SDK1: variants seen among roughly 807,000 people sequenced by gnomAD.
The protein encoded by SDK1 is protein sidekick-1.
SDK1 carries 157 observed loss-of-function variants against 245.5 expected under a neutral mutation model. That is an observed-to-expected ratio of 0.64 (90% CI 0.56 to 0.73). The LOEUF (loss-of-function observed/expected upper bound fraction) is 0.73. Among genes scored for constraint, SDK1 ranks in the 30% least tolerant of loss-of-function variants. The pLI, the probability that SDK1 is intolerant of heterozygous loss-of-function variation, is 0.00. For missense variants in SDK1, 3,583 were observed against 3,002.3 expected (o/e 1.19, Z -4.52); for synonymous variants, 1,647 against 1,278.5 (o/e 1.29, Z -6.15).
At chr7:4,119,078 A>G (rs1012061697) in intron 25 of SDK1, among the ~76,000 whole-genome samples, 2 of 148,532 alleles carry the variant, frequency 1.3e-5, no homozygotes, top group Non-Finnish European at 3.0e-5. Flanking sequence ...TGTATGATAT[A>G]TTAATAATCT....
At chr7:3,901,830 A>G (rs1781800721) in intron 5 of SDK1, among the ~76,000 whole-genome samples, 1 of 152,014 alleles carries the variant, frequency 6.6e-6, no homozygotes, top group African/African-American at 2.4e-5. Context: ...TCACATTTCC[A>G]TTCCTTTTTT....
chr7:4,228,156 G>C (rs1457641078), intron 40 of SDK1, among the ~76,000 whole-genome samples: 1 of 152,220 alleles, frequency 6.6e-6, no homozygotes, highest in Non-Finnish European at 1.5e-5. Flanking sequence ...AGGTGGACAG[G>C]ATTGGAGGTT....
intron 25 of SDK1, among the ~76,000 whole-genome samples, chr7:4,127,132 CT>C (rs1275558727): frequency 1.3e-5 from 2 of 152,106 alleles, no homozygotes; most frequent in African/African-American, 2.4e-5. Flanking sequence ...GACCAAGCAT[CT>C]TTTTTTTCTT....
chr7:3,524,234 A>G (rs542031075), intron 1 of SDK1, among the ~76,000 whole-genome samples: 2 of 152,310 alleles, frequency 1.3e-5, no homozygotes, highest in South Asian at 4.1e-4. Context: ...AGGGCTTTCT[A>G]AAACATTATT....
chr7:3,514,146 G>A (rs982774473), intron 1 of SDK1, among the ~76,000 whole-genome samples: 2 of 152,102 alleles, frequency 1.3e-5, no homozygotes, highest in African/African-American at 2.4e-5. Context: ...GTGTTTCAGA[G>A]CAAATGTCTT....
At chr7:3,522,844 C>T (rs527679638) in intron 1 of SDK1, among the ~76,000 whole-genome samples, 1 of 152,094 alleles carries the variant, frequency 6.6e-6, no homozygotes, top group Non-Finnish European at 1.5e-5. Context: ...GTGAGGTTCG[C>T]TATTCACATC....
chr7:3,872,153 G>A (rs6966997), intron 5 of SDK1, among the ~76,000 whole-genome samples: 40,685 of 151,836 alleles, frequency 0.27, 6,741 homozygotes, highest in African/African-American at 0.47. Context: ...GTAATAATAT[G>A]TTATTCTTTC....
intron 1 of SDK1, among the ~76,000 whole-genome samples, chr7:3,401,062 G>T (rs1037784061): frequency 2.6e-5 from 4 of 152,138 alleles, no homozygotes; most frequent in African/African-American, 9.7e-5. Flanking sequence ...GCCATCCGCA[G>T]CCTCATAGCC....
chr7:3,324,471 G>A (rs1312910401), intron 1 of SDK1, among the ~76,000 whole-genome samples: 5 of 152,096 alleles, frequency 3.3e-5, no homozygotes, highest in African/African-American at 1.2e-4. Flanking sequence ...AAGCCGATGT[G>A]TAAAATGTTT....
intron 14 of SDK1, among the ~76,000 whole-genome samples, chr7:4,009,907 C>T (rs1438411038): frequency 3.3e-5 from 5 of 152,176 alleles, no homozygotes; most frequent in Non-Finnish European, 7.3e-5. Flanking sequence ...TACGAATCCC[C>T]GCGGTTGGGG....
At chr7:4,008,486 C>T (rs922608467) in intron 14 of SDK1, among the ~76,000 whole-genome samples, 1 of 152,258 alleles carries the variant, frequency 6.6e-6, no homozygotes, top group Non-Finnish European at 1.5e-5. Flanking sequence ...GTACCCTTTC[C>T]CCATTGGCCG....
At chr7:3,757,468 C>G (rs1227813535) in intron 4 of SDK1, among the ~76,000 whole-genome samples, 1 of 152,100 alleles carries the variant, frequency 6.6e-6, no homozygotes, top group Non-Finnish European at 1.5e-5. Flanking sequence ...AACTCCTGGC[C>G]TCAAGCAGTC....
intron 4 of SDK1, among the ~76,000 whole-genome samples, chr7:3,733,558 C>T (rs1358005939): frequency 1.3e-5 from 2 of 152,126 alleles, no homozygotes; most frequent in Non-Finnish European, 2.9e-5. Flanking sequence ...GGCATTCCTC[C>T]CTCCTTGAAT....
At chr7:3,950,833 CG>C in intron 5 of SDK1, 89 bp from the exon 6 acceptor site, 2 of 930,378 alleles carry the variant, frequency 2.1e-6, no homozygotes, top group Non-Finnish European at 1.7e-6. Flanking sequence ...TAGGTATCCC[CG>C]GGGGTCTTGG....
intron 2 of SDK1, among the ~76,000 whole-genome samples, chr7:3,626,520 C>T (rs1047164888): frequency 6.6e-6 from 1 of 152,220 alleles, no homozygotes; most frequent in South Asian, 2.1e-4. Flanking sequence ...GTCGAATTTG[C>T]TTGGTGCTGG....
chr7:4,065,434 G>C (rs181070682), intron 19 of SDK1, among the ~76,000 whole-genome samples: 1 of 147,028 alleles, frequency 6.8e-6, no homozygotes, highest in Non-Finnish European at 1.5e-5. Context: ...AGCATCTTTG[G>C]GCAGGAATCC....
chr7:3,434,735 CAT>C (rs1340837170), intron 1 of SDK1, among the ~76,000 whole-genome samples: 1 of 152,064 alleles, frequency 6.6e-6, no homozygotes, highest in Non-Finnish European at 1.5e-5. Context: ...TTGTTGCCAT[CAT>C]TAACCCAGGC....
rs567208042 is a variant in SDK1 at position 4,175,651 on chromosome 7, G to A, written c.4937-124G>A. The A allele has an allele frequency of 1.1e-5, 9 of 812,616 alleles. No individual in the cohort carries two copies. In the East Asian group the frequency reaches 1.7e-4, roughly 15 times the overall value. The allele number at this position is 812,616 out of a possible 1,614,324, so 50.3% of individuals were successfully genotyped here. A position where few individuals can be genotyped will look rare whatever the true frequency, so the allele number is the denominator to read the frequency against. ...AGCGGGGTCTTTATTGCCCCGGGAG[G>A]CGCAGCGTGGGAAGTGGCTGGCATC... On this transcript the variant is annotated intron_variant, in intron 33 of 44. Coordinates refer to ENST00000404826, the MANE Select transcript of SDK1 (RefSeq NM_152744.4).
intron 5 of SDK1, among the ~76,000 whole-genome samples, chr7:3,865,569 T>C (rs1413080578): frequency 6.6e-6 from 1 of 152,146 alleles, no homozygotes; most frequent in Non-Finnish European, 1.5e-5. Context: ...AGTGCAGTGG[T>C]GTAATCACAG....
Sources: allele counts gnomAD v4.1 joint callset (sites outside exome capture counted in the v4.1 genomes callset), GRCh38; gene constraint gnomAD v4.1.1; transcripts MANE v1.5; gene names NCBI Gene and HGNC (gene_info 2026-07-23, HGNC 2026-07-21).